The following MYO1E variants were observed in gnomAD, a reference collection of about 807,000 sequenced individuals.
MYO1E encodes the protein myosin IE.
In MYO1E, 68 loss-of-function variants were observed where a neutral mutation model predicts 151.1. The observed-to-expected ratio is 0.45, with a 90% CI of 0.37 to 0.55. MYO1E has a LOEUF of 0.55. MYO1E is among the 20% of genes least tolerant of loss of function. The pLI is 0.00. For synonymous variants in MYO1E, 601 were observed against 501.7 expected (o/e 1.20, Z -2.64); for missense variants, 1,363 against 1,389.3 (o/e 0.98, Z 0.30).
chr15:59,307,030 C>G (rs1411006718), intron 1 of MYO1E, among the ~76,000 whole-genome samples: 1 of 152,162 alleles, frequency 6.6e-6, no homozygotes, highest in Non-Finnish European at 1.5e-5. Context: ...GAACGGGATG[C>G]AAGCATATAG....
chr15:59,371,929 C>A (rs1211241474), intron 1 of MYO1E, among the ~76,000 whole-genome samples: 7 of 150,500 alleles, frequency 4.7e-5, no homozygotes, highest in Non-Finnish European at 1.0e-4. Flanking sequence ...TTGTGCGGCC[C>A]GCGCCGCCCC....
intron 7 of MYO1E, 148 bp from the exon 8 acceptor site, chr15:59,224,971 A>C (rs2079980424): frequency 1.9e-6 from 2 of 1,051,194 alleles, no homozygotes; most frequent in South Asian, 2.8e-5. Flanking sequence ...ATGTACTTGT[A>C]GTAGCCCCAG....
At chr15:59,150,427 C>T (rs2079468817) in intron 26 of MYO1E, among the ~76,000 whole-genome samples, 2 of 152,374 alleles carry the variant, frequency 1.3e-5, no homozygotes, top group South Asian at 4.1e-4. Flanking sequence ...CAGATGCTCC[C>T]AGCTGGCTGA....
intron 1 of MYO1E, among the ~76,000 whole-genome samples, chr15:59,360,697 A>C (rs139687592): frequency 1.3e-5 from 2 of 152,324 alleles, no homozygotes; most frequent in Non-Finnish European, 2.9e-5. Context: ...TCATCACTAC[A>C]AAAGGACTTC....
At chr15:59,162,710 C>T (rs1470575397) in intron 23 of MYO1E, among the ~76,000 whole-genome samples, 2 of 151,506 alleles carry the variant, frequency 1.3e-5, no homozygotes, top group South Asian at 2.1e-4. Context: ...ATACGTTGGC[C>T]ACCTATAGTC....
chr15:59,207,842 T>C (rs141502214), intron 14 of MYO1E: 47 of 1,614,108 alleles, frequency 2.9e-5, no homozygotes, highest in East Asian at 2.0e-4. Context: ...TCTTGGGCCA[T>C]TGGCCTATCT....
intron 14 of MYO1E, chr15:59,207,018 G>T: frequency 6.2e-7 from 1 of 1,614,228 alleles, no homozygotes; most frequent in Admixed American, 1.7e-5. Flanking sequence ...GCCTGGGGAT[G>T]GCCCTGTGTC....
intron 2 of MYO1E, among the ~76,000 whole-genome samples, chr15:59,264,202 T>C (rs1229796618): frequency 1.3e-5 from 2 of 152,184 alleles, no homozygotes; most frequent in Non-Finnish European, 2.9e-5. Flanking sequence ...TTTCAAACTT[T>C]GCAGCATTTC....
intron 24 of MYO1E, among the ~76,000 whole-genome samples, chr15:59,160,828 C>T (rs1343076614): frequency 6.6e-6 from 1 of 151,968 alleles, no homozygotes; most frequent in Non-Finnish European, 1.5e-5. Context: ...TTGTTTTAAC[C>T]ACAATATTGT....
intron 6 of MYO1E, 149 bp downstream of exon 6, chr15:59,231,553 T>C (rs939876278): frequency 1.2e-6 from 1 of 842,746 alleles, no homozygotes; most frequent in South Asian, 1.5e-5. Flanking sequence ...CTTGGCGGCA[T>C]GCTGCTATAG....
chr15:59,236,712 T>C lies in MYO1E; in HGVS notation c.333-40A>G, dbSNP rs768555280. ...ACAAAGAATCCACCTGAGAAGTGGATTGCGACCAGCTCCCTTCCTTGTCTC... is the reference window on the plus strand; with the variant it reads ...ACAAAGAATCCACCTGAGAAGTGGACTGCGACCAGCTCCCTTCCTTGTCTC... On this transcript the variant is annotated intron_variant, in intron 4 of 27. Coordinates refer to ENST00000288235, the MANE Select transcript of MYO1E (RefSeq NM_004998.4). 4.0e-6 allele frequency: 6 copies of C among 1,516,558 alleles called. 1 individual carries two copies. Among genetic ancestry groups the C allele is most frequent in the African/African-American group, 2.7e-5 (2 of 72,836 alleles). The allele number at this position is 1,516,558 out of a possible 1,614,324, so 93.9% of individuals were successfully genotyped here.
chr15:59,202,586 A>C (rs141316200), intron 15 of MYO1E, among the ~76,000 whole-genome samples, 179 bp from the exon 16 acceptor site: 53 of 152,354 alleles, frequency 3.5e-4, no homozygotes, highest in Non-Finnish European at 6.8e-4. Context: ...AACAACGGAC[A>C]AAAGTCATGA....
chr15:59,213,178 A>ATTATT (rs1249178131), intron 12 of MYO1E, among the ~76,000 whole-genome samples: 1 of 105,188 alleles, frequency 9.5e-6, no homozygotes, highest in Non-Finnish European at 2.3e-5. Context: ...TATTATTATT[A>ATTATT]TTATTATTTT....
chr15:59,333,291 G>A (rs544115654), intron 1 of MYO1E, among the ~76,000 whole-genome samples: 6 of 152,192 alleles, frequency 3.9e-5, no homozygotes, highest in African/African-American at 7.2e-5. Context: ...CCAGGCTGGA[G>A]TGCAGTGGTG....
chr15:59,328,533 ACATAAATT>A (rs112460358), intron 1 of MYO1E, among the ~76,000 whole-genome samples: 31,778 of 151,688 alleles, frequency 0.21, 4,454 homozygotes, highest in African/African-American at 0.4. Flanking sequence ...ATTTCATGAG[ACATAAATT>A]CATAAATTAG....
At chr15:59,343,517 C>T (rs2080777208) in intron 1 of MYO1E, among the ~76,000 whole-genome samples, 1 of 152,050 alleles carries the variant, frequency 6.6e-6, no homozygotes, top group Non-Finnish European at 1.5e-5. Context: ...GCTTGGTGTT[C>T]TATAACCTTC....
chr15:59,182,068 C>T (rs866833668), intron 18 of MYO1E, among the ~76,000 whole-genome samples: 1 of 152,302 alleles, frequency 6.6e-6, no homozygotes, highest in African/African-American at 2.4e-5. Flanking sequence ...AATACCCCCG[C>T]CCACTGATAT....
At chr15:59,202,004 C>T (rs772362021) in intron 16 of MYO1E, among the ~76,000 whole-genome samples, 14 of 152,174 alleles carry the variant, frequency 9.2e-5, no homozygotes, top group Admixed American at 2.0e-4. Flanking sequence ...AACATGGCTC[C>T]GAACCATATT....
In MYO1E at chr15:59,135,197, G is replaced by C. The variant is rs2079365237; in HGVS notation, c.*2183C>G. The stretch of plus-strand genomic sequence containing the variant: ...TGCAGGTGCTAAGGGCTTGGTCTGT[G>C]ATTTCCATGGATGAGGGTGTTACTC... On this transcript the variant is annotated 3_prime_UTR_variant, in exon 28 of 28. Transcript: ENST00000288235. 1 of 152,210 alleles carries C rather than the reference G, an allele frequency of 6.6e-6. No homozygotes were observed. The highest frequency in any genetic ancestry group is 1.5e-5 in the Non-Finnish European group (1 of 68,060). 9.4% of individuals were successfully genotyped at this position (152,210 alleles called of 1,614,324 possible).
Sources: allele counts gnomAD v4.1 joint callset (sites outside exome capture counted in the v4.1 genomes callset), GRCh38; gene constraint gnomAD v4.1.1; transcripts MANE v1.5; gene names NCBI Gene and HGNC (gene_info 2026-07-23, HGNC 2026-07-21).